Variants in CCDC191 observed in about 807,000 individuals in gnomAD.
CCDC191 encodes the protein coiled-coil domain-containing protein 191.
Under a neutral mutation model 114.0 loss-of-function variants are expected in CCDC191, and 99 were observed. That is an observed-to-expected ratio of 0.87 (90% confidence interval 0.74 to 1.03). The LOEUF is 1.03. CCDC191 is among the 50% of genes least tolerant of loss of function. CCDC191 has a pLI of 0.00. For synonymous variants in CCDC191, 351 were observed against 376.0 expected (o/e 0.93, Z 0.77); for missense variants, 973 against 1,087.0 (o/e 0.90, Z 1.47).
chr3:113,980,179 C>T (rs1185119819), intron 14 of CCDC191, among the ~76,000 whole-genome samples: 3 of 152,138 alleles, frequency 2.0e-5, no homozygotes, highest in Admixed American at 6.6e-5. Context: ...GAAAAGCATG[C>T]CCTGAGTAGC....
rs190124738 is a variant in CCDC191 at position 113,981,315 on chromosome 3, G to T, written c.2164-522C>A. The stretch of plus-strand genomic sequence containing the variant: ...CCTTCCCTCTTCTAAGAAGGAAAAA[G>T]ATGAACTATTCCTGGTAATACACTG... On this transcript the variant is annotated intron_variant, in intron 13 of 16. Transcript: ENST00000295878. Among the ~76,000 whole-genome samples the T allele has an allele frequency of 2.0e-5, 3 of 152,286 alleles. No homozygotes were observed. The East Asian group carries it at 5.8e-4, about 29-fold the overall frequency.
At chr3:113,996,702 T>G (rs1577379381) in intron 13 of CCDC191, among the ~76,000 whole-genome samples, 1 of 152,182 alleles carries the variant, frequency 6.6e-6, no homozygotes, top group East Asian at 1.9e-4. Context: ...TAAGAAAGAA[T>G]GAGATTATGT....
intron 2 of CCDC191, among the ~76,000 whole-genome samples, chr3:114,048,026 C>T (rs2076653613): frequency 6.6e-6 from 1 of 152,094 alleles, no homozygotes. Flanking sequence ...CTAACTTCCC[C>T]CTCCCAGAAA....
At chr3:113,989,685 C>A (rs2075491252) in intron 13 of CCDC191, among the ~76,000 whole-genome samples, 1 of 152,032 alleles carries the variant, frequency 6.6e-6, no homozygotes. Flanking sequence ...GCAGTAAATT[C>A]ACACACTAGA....
Position 114,003,192 on chromosome 3 carries a change from G to A in CCDC191, c.1979-654C>T, listed in dbSNP as rs2075886490. ...AAATATCGATCCAAAAGAAACAAAT[G>A]TGCAAGATGGTCTGATAATATGACT... On this transcript the variant is annotated intron_variant, in intron 11 of 16. Coordinates refer to ENST00000295878, the MANE Select transcript of CCDC191 (RefSeq NM_020817.2). 3.0e-6 allele frequency: 3 copies of A among 985,278 alleles called. No homozygotes were observed. The African/African-American group carries it at 5.2e-5, about 17-fold the overall frequency. The allele number at this position is 985,278 out of a possible 1,614,324, so 61.0% of individuals were successfully genotyped here. A position where few individuals can be genotyped will look rare whatever the true frequency, so the allele number is the denominator to read the frequency against.
chr3:113,978,151 CAG>C, intron 16 of CCDC191, 33 bp downstream of exon 16: 1 of 1,610,018 alleles, frequency 6.2e-7, no homozygotes, highest in Non-Finnish European at 8.5e-7. Flanking sequence ...ATTGTGAAGT[CAG>C]AGAGTGAATT....
At chr3:114,053,946 C>A (rs535853592) in intron 1 of CCDC191, among the ~76,000 whole-genome samples, 1 of 151,250 alleles carries the variant, frequency 6.6e-6, no homozygotes, top group African/African-American at 2.4e-5. Flanking sequence ...GGTTAAGAGT[C>A]AAGATATAGA....
chr3:114,002,049 AC>A (rs1039610996), intron 12 of CCDC191, among the ~76,000 whole-genome samples: 1 of 152,104 alleles, frequency 6.6e-6, no homozygotes, highest in Non-Finnish European at 1.5e-5. Context: ...TCACCAGAAA[AC>A]CCCCAATTGT....
chr3:113,974,571 T>C (rs1052615804), intron 16 of CCDC191, among the ~76,000 whole-genome samples: 3 of 152,142 alleles, frequency 2.0e-5, no homozygotes, highest in African/African-American at 4.8e-5. Context: ...CTGCCCACCT[T>C]GGCCTCCCAA....
chr3:113,989,361 A>G (rs2075480287), intron 13 of CCDC191, among the ~76,000 whole-genome samples: 1 of 152,212 alleles, frequency 6.6e-6, no homozygotes, highest in African/African-American at 2.4e-5. Flanking sequence ...TACTATACAT[A>G]TTCTTCTCAA....
chr3:113,972,161 T>C (rs554058902), intron 16 of CCDC191, among the ~76,000 whole-genome samples: 58 of 152,202 alleles, frequency 3.8e-4, no homozygotes, highest in African/African-American at 1.1e-3. Flanking sequence ...TTGAGGAGCA[T>C]AGTTGACTTA....
In CCDC191 at chr3:114,004,685, G is replaced by A. The variant is rs768957777; in HGVS notation, c.1930C>T (p.Leu644Phe). The A allele has an allele frequency of 1.2e-6, 2 of 1,612,630 alleles. No individual in the cohort carries two copies. The highest frequency in any genetic ancestry group is 2.2e-5 in the South Asian group (2 of 91,024). ...RSDSRNSLSG[L>F]RRKPKQLMTP... The stretch of plus-strand genomic sequence containing the variant: ...ATCAATTGCTTTGGTTTCCTTCTGA[G>A]TCCAGAAAGAGAATTTCGGGAGTCA... Residue 644 changes from leucine to phenylalanine, a missense_variant, in exon 11 of 17, where the codon CTC (leucine) becomes TTC (phenylalanine). By Grantham distance (22) the Leu-to-Phe change is conservative (BLOSUM62 0). Coordinates refer to ENST00000295878, the MANE Select transcript of CCDC191 (RefSeq NM_020817.2).
intron 16 of CCDC191, among the ~76,000 whole-genome samples, chr3:113,969,123 C>T (rs547903849): frequency 1.3e-5 from 2 of 152,170 alleles, no homozygotes; most frequent in South Asian, 4.1e-4. Context: ...AGAATGCACT[C>T]ATTTACAGAG....
intron 8 of CCDC191, among the ~76,000 whole-genome samples, chr3:114,014,687 G>A (rs1577418393): frequency 6.6e-6 from 1 of 152,182 alleles, no homozygotes; most frequent in Middle Eastern, 3.4e-3. Context: ...TGGGTCCCAT[G>A]AATTTCTATT....
rs1426287665 is a variant in CCDC191 at position 114,046,705 on chromosome 3, C to T, written c.157G>A (p.Val53Met). Residue 53 changes from valine to methionine, a missense_variant, in exon 3 of 17, where the codon GTG (valine) becomes ATG (methionine). Val to Met is a conservative substitution (Grantham distance 21). Coordinates refer to ENST00000295878, the MANE Select transcript of CCDC191 (RefSeq NM_020817.2). ...KRVEKASEFA[V>M]SNAFFTRNSD... ...TTTCTAGTAAAAAATGCATTTGACA[C>T]TGCAAACTCTGAGGCTTTCTCCACT... 4.3e-6 allele frequency: 7 copies of T among 1,612,476 alleles called. No homozygotes were observed. Among genetic ancestry groups the T allele is most frequent in the South Asian group, 1.1e-5 (1 of 91,008 alleles).
At chr3:114,046,918 T>A in intron 2 of CCDC191, 186 bp from the exon 3 acceptor site, 1 of 971,198 alleles carries the variant, frequency 1.0e-6, no homozygotes. Flanking sequence ...TCATATATAA[T>A]ATTAAATTAA....
chr3:114,029,030 A>T (rs1196566191), intron 7 of CCDC191, among the ~76,000 whole-genome samples: 1 of 151,972 alleles, frequency 6.6e-6, no homozygotes, highest in Admixed American at 6.6e-5. Flanking sequence ...GAAAAAAATG[A>T]CACTCCAGTA....
rs140813529 is a variant in CCDC191, at chr3:114,056,386, C to T, written c.81G>A (p.Pro27=). 2,146 of 1,614,118 alleles carry T rather than the reference C, an allele frequency of 1.3e-3. 21 individuals are homozygous for T. In the African/African-American group the frequency reaches 0.025, roughly 19 times the overall value. ...TCTCGATTGGGATCACCTTGGGACT[C>T]GGCTTCCTTGTGAACCGTTTCCAGC... ...LNRWKRFTRK[P]SPKPTFGPDS... The change falls in exon 1 of 17, where the codon CCG becomes CCA. Residue 27 remains proline (P), a synonymous_variant. Coordinates refer to ENST00000295878, the MANE Select transcript of CCDC191 (RefSeq NM_020817.2).
At chr3:113,989,759 G>A (rs1370241968) in intron 13 of CCDC191, among the ~76,000 whole-genome samples, 1 of 152,190 alleles carries the variant, frequency 6.6e-6, no homozygotes, top group Non-Finnish European at 1.5e-5. Context: ...GCCAAGGTGG[G>A]AGGATCTCTT....
Sources: gnomAD v4.1 joint callset for allele counts (sites outside exome capture counted in the v4.1 genomes callset) on GRCh38, gnomAD v4.1.1 for gene constraint, MANE v1.5 for transcripts, NCBI Gene and HGNC (gene_info 2026-07-23, HGNC 2026-07-21) for gene names.